The following HCRTR2 variants were observed in gnomAD, a reference collection of about 807,000 sequenced individuals.
HCRTR2 encodes the protein orexin receptor type 2.
HCRTR2 carries 22 observed loss-of-function variants against 49.0 expected under a neutral mutation model. The ratio of observed to expected loss-of-function variants is 0.45; its 90% CI spans 0.32 to 0.64. HCRTR2 has a LOEUF of 0.64. Among genes scored for constraint, HCRTR2 ranks in the 30% least tolerant of loss-of-function variants. HCRTR2 has a pLI of 0.04. For synonymous variants in HCRTR2, 236 were observed against 205.3 expected, an observed-to-expected ratio of 1.15 and a Z score of -1.28; for missense variants, 491 against 559.4, an observed-to-expected ratio of 0.88 and a Z score of 1.23.
At chr6:55,230,168 A>G (rs1182296020) in intron 1 of HCRTR2, among the ~76,000 whole-genome samples, 1 of 152,196 alleles carries the variant, frequency 6.6e-6, no homozygotes, top group African/African-American at 2.4e-5. Flanking sequence ...GAATAGACTG[A>G]GAACTTTAAA....
chr6:55,164,427 T>G (rs1302785495), intron 1 of HCRTR2, among the ~76,000 whole-genome samples: 1 of 152,134 alleles, frequency 6.6e-6, no homozygotes, highest in Non-Finnish European at 1.5e-5. Flanking sequence ...ATATACACCA[T>G]GAAATACTAT....
rs543813954 is a variant in HCRTR2, at chr6:55,262,352, TA to T, written c.647-1352del. ...TATATGTTATATATAATATTATATA[TA>T]AATATATAATGTATTATAGTTATAT... On this transcript the variant is annotated intron_variant, in intron 3 of 6. Coordinates refer to ENST00000370862, the MANE Select transcript of HCRTR2 (RefSeq NM_001384272.1). 1.2e-4 allele frequency among the ~76,000 whole-genome samples: 17 copies of T among 141,000 alleles called. 1 individual carries two copies. Among genetic ancestry groups the T allele is most frequent in the African/African-American group, 3.9e-4 (15 of 38,082 alleles). The allele number at this position is 141,000 out of a possible 152,430, so 92.5% of individuals were successfully genotyped here. A position where few individuals can be genotyped will look rare whatever the true frequency, so the allele number is the denominator to read the frequency against.
intron 1 of HCRTR2, among the ~76,000 whole-genome samples, chr6:55,168,315 T>C (rs141744866): frequency 6.6e-6 from 1 of 152,180 alleles, no homozygotes; most frequent in African/African-American, 2.4e-5. Context: ...TTTTTAAATA[T>C]GTAAAATTTA....
intron 1 of HCRTR2, among the ~76,000 whole-genome samples, chr6:55,221,035 C>T (rs1315080940): frequency 1.3e-5 from 2 of 151,930 alleles, no homozygotes; most frequent in African/African-American, 2.4e-5. Flanking sequence ...AAAGCATTAC[C>T]AAAAAATAAT....
At chr6:55,199,845 A>G (rs904813019) in intron 1 of HCRTR2, among the ~76,000 whole-genome samples, 2 of 152,368 alleles carry the variant, frequency 1.3e-5, no homozygotes, top group African/African-American at 4.8e-5. Context: ...ATATAAGGGA[A>G]GGATTTAATC....
At position 55,261,140 on chromosome 6, in the gene HCRTR2, TC is replaced by T. The variant is rs369554427; in HGVS notation, c.647-2566del. Among the ~76,000 whole-genome samples the T allele has an allele frequency of 2.5e-3, 388 of 152,312 alleles. 2 individuals are homozygous for T. The highest frequency in any genetic ancestry group is 8.8e-3 in the African/African-American group (366 of 41,566). On this transcript the variant is annotated intron_variant, in intron 3 of 6. Coordinates refer to ENST00000370862, the MANE Select transcript of HCRTR2 (RefSeq NM_001384272.1). ...AATCTATGCAAGATATATTGCTTCC[TC>T]TTTTACATTGCAGTAAAAGTAGGTA...
intron 1 of HCRTR2, among the ~76,000 whole-genome samples, chr6:55,224,841 T>C (rs1258069238): frequency 6.6e-6 from 1 of 152,092 alleles, no homozygotes; most frequent in East Asian, 1.9e-4. Context: ...ATGGTGATTA[T>C]CGGGTGCTGG....
chr6:55,224,478 C>T (rs980204118), intron 1 of HCRTR2, among the ~76,000 whole-genome samples: 3 of 151,854 alleles, frequency 2.0e-5, no homozygotes, highest in Non-Finnish European at 4.4e-5. Context: ...AAAAAATTAG[C>T]CGGGCATGGT....
At chr6:55,167,530 G>A (rs565094624) in intron 1 of HCRTR2, among the ~76,000 whole-genome samples, 14 of 152,108 alleles carry the variant, frequency 9.2e-5, no homozygotes, top group African/African-American at 2.4e-4. Flanking sequence ...AGGAAAAGAA[G>A]CCCAGAGAAC....
chr6:55,276,806 C>G (rs140815816), intron 4 of HCRTR2, among the ~76,000 whole-genome samples: 2 of 152,148 alleles, frequency 1.3e-5, no homozygotes, highest in Admixed American at 1.3e-4. Context: ...AATTTCATAA[C>G]TACAAATAGT....
intron 1 of HCRTR2, among the ~76,000 whole-genome samples, chr6:55,214,389 T>C (rs1452557237): frequency 1.3e-5 from 2 of 152,170 alleles, no homozygotes; most frequent in Non-Finnish European, 2.9e-5. Context: ...TTGAGTGCAG[T>C]GATGCAATCA....
At chr6:55,148,499 C>T (rs921470934) in intron 1 of HCRTR2, among the ~76,000 whole-genome samples, 1 of 152,098 alleles carries the variant, frequency 6.6e-6, no homozygotes, top group East Asian at 1.9e-4. Context: ...ACTTGCTACC[C>T]ACCTACCATG....
downstream of HCRTR2, among the ~76,000 whole-genome samples, chr6:55,283,806 T>C (rs1767239110): frequency 6.6e-6 from 1 of 152,290 alleles, no homozygotes; most frequent in African/African-American, 2.4e-5. Context: ...TATTTTTTCA[T>C]TTTTCCATTA....
chr6:55,197,722 T>C (rs1765442684), intron 1 of HCRTR2, among the ~76,000 whole-genome samples: 2 of 152,008 alleles, frequency 1.3e-5, no homozygotes, highest in Admixed American at 1.3e-4. Flanking sequence ...CTCAGGTTCA[T>C]GCCATTCTCC....
rs1276895853 is a variant in HCRTR2, at chr6:55,269,682, G to T, written c.762+5860G>T. On this transcript the variant is annotated intron_variant, in intron 4 of 6. Transcript: ENST00000370862. ...AAGCTTAATAAGAGACTTCATCCAGGCTTGATTGCTTATGCCTGTAATCTC... is the reference window on the plus strand; with the variant it reads ...AAGCTTAATAAGAGACTTCATCCAGTCTTGATTGCTTATGCCTGTAATCTC... Among the ~76,000 whole-genome samples, 6 of 152,070 alleles carry T rather than the reference G, an allele frequency of 3.9e-5. 1 individual carries two copies. The highest frequency in any genetic ancestry group is 1.2e-4 in the African/African-American group (5 of 41,406).
At chr6:55,145,632 G>A (rs1764570977) in intron 1 of HCRTR2, among the ~76,000 whole-genome samples, 1 of 151,984 alleles carries the variant, frequency 6.6e-6, no homozygotes, top group African/African-American at 2.4e-5. Context: ...AGCCAGGATG[G>A]TCTCAATCTC....
chr6:55,265,791 T>C (rs1233835748), intron 4 of HCRTR2, among the ~76,000 whole-genome samples: 3 of 152,072 alleles, frequency 2.0e-5, no homozygotes, highest in Admixed American at 1.3e-4. Flanking sequence ...GACATGAATT[T>C]TGTAAATGGC....
chr6:55,150,325 A>C (rs563096049), intron 1 of HCRTR2, among the ~76,000 whole-genome samples: 423 of 151,458 alleles, frequency 2.8e-3, no homozygotes, highest in East Asian at 6.6e-3. Flanking sequence ...TCTTCTTATT[A>C]TTATTATTAT....
chr6:55,205,803 C>G (rs1765590366), intron 1 of HCRTR2, among the ~76,000 whole-genome samples: 1 of 151,496 alleles, frequency 6.6e-6, no homozygotes, highest in Non-Finnish European at 1.5e-5. Context: ...GTGTTTTTAC[C>G]CATGTTTTCA....
Sources: allele counts gnomAD v4.1 joint callset (sites outside exome capture counted in the v4.1 genomes callset), GRCh38; gene constraint gnomAD v4.1.1; transcripts MANE v1.5; gene names NCBI Gene and HGNC (gene_info 2026-07-23, HGNC 2026-07-21).